Variants in HAPSTR1 observed in about 807,000 individuals in gnomAD.
HAPSTR1 encodes HUWE1-associated protein modifying stress responses 1.
chr16:9,114,276 A>G, the HAPSTR1 span, among the ~76,000 whole-genome samples: 2 of 152,052 alleles, frequency 1.3e-5, no homozygotes, highest in African/African-American at 4.8e-5. Flanking sequence ...TGGGTAAGGT[A>G]GGGGTTGAGG....
the HAPSTR1 span, among the ~76,000 whole-genome samples, chr16:9,093,610 TTTCTG>T: frequency 6.6e-6 from 1 of 152,178 alleles, no homozygotes; most frequent in Admixed American, 6.5e-5. Context: ...GATCAAGTGT[TTTCTG>T]TTAAAAGGAT....
chr16:9,099,941 G>C, the HAPSTR1 span, among the ~76,000 whole-genome samples: 1 of 152,130 alleles, frequency 6.6e-6, no homozygotes. Context: ...CATTTACATG[G>C]GACTTTGTAT....
chr16:9,116,721 C>A, the HAPSTR1 span: 1 of 1,614,126 alleles, frequency 6.2e-7, no homozygotes. Flanking sequence ...CCCAGGCTCT[C>A]CTACACATGT....
the HAPSTR1 span, among the ~76,000 whole-genome samples, chr16:9,098,557 C>A: frequency 6.6e-6 from 1 of 152,142 alleles, no homozygotes; most frequent in East Asian, 1.9e-4. Context: ...GGGCTCACAC[C>A]TGTAGTCCAG....
chr16:9,101,880 T>G, the HAPSTR1 span, among the ~76,000 whole-genome samples: 1 of 152,136 alleles, frequency 6.6e-6, no homozygotes, highest in Non-Finnish European at 1.5e-5. Context: ...CCCAGCACTT[T>G]GGGAGGCTGA....
the HAPSTR1 span, among the ~76,000 whole-genome samples, chr16:9,095,306 C>T: frequency 6.6e-6 from 1 of 152,122 alleles, no homozygotes; most frequent in Non-Finnish European, 1.5e-5. Flanking sequence ...AACAGGCATA[C>T]AGCTGTAGGA....
At chr16:9,115,069 C>A in the HAPSTR1 span, among the ~76,000 whole-genome samples, 1 of 152,068 alleles carries the variant, frequency 6.6e-6, no homozygotes, top group Admixed American at 6.6e-5. Flanking sequence ...ATGGGGGCAC[C>A]TAGAGTGCGG....
chr16:9,096,797 A>G, the HAPSTR1 span, among the ~76,000 whole-genome samples: 1 of 152,148 alleles, frequency 6.6e-6, no homozygotes, highest in East Asian at 1.9e-4. Flanking sequence ...CTGAGGCAGG[A>G]GGATTGCTTG....
chr16:9,096,817 A>G, the HAPSTR1 span, among the ~76,000 whole-genome samples: 1 of 152,164 alleles, frequency 6.6e-6, no homozygotes, highest in African/African-American at 2.4e-5. Context: ...GGGGCAATAT[A>G]GTGAGATCCC....
chr16:9,100,560 GTC>G, the HAPSTR1 span, among the ~76,000 whole-genome samples: 1 of 151,872 alleles, frequency 6.6e-6, no homozygotes, highest in Non-Finnish European at 1.5e-5. Context: ...TTGAGAGAGA[GTC>G]TTACTCTTTC....
chr16:9,099,078 G>C, the HAPSTR1 span, among the ~76,000 whole-genome samples: 5 of 151,968 alleles, frequency 3.3e-5, no homozygotes, highest in African/African-American at 1.2e-4. Context: ...GTTGTGGTGG[G>C]AGAATTTGTC....
chr16:9,106,146 C>T, the HAPSTR1 span: 2 of 152,192 alleles, frequency 1.3e-5, no homozygotes, highest in African/African-American at 2.4e-5. Context: ...CTGTGGCTCA[C>T]ACCTATAATG....
the HAPSTR1 span, chr16:9,103,496 A>G: frequency 6.1e-6 from 3 of 493,310 alleles, no homozygotes; most frequent in Non-Finnish European, 1.1e-5. Context: ...TGTTAAAATG[A>G]CATATCTTTC....
chr16:9,093,082 T>C, the HAPSTR1 span: 1 of 1,348,596 alleles, frequency 7.4e-7, no homozygotes, highest in South Asian at 1.2e-5. Context: ...CAAGTGTGTT[T>C]TCTGCTCCCC....
At chr16:9,099,807 A>G in the HAPSTR1 span, among the ~76,000 whole-genome samples, 10 of 152,210 alleles carry the variant, frequency 6.6e-5, no homozygotes, top group Admixed American at 5.9e-4. Flanking sequence ...GGATTATGTT[A>G]AAATGTAGTC....
At chr16:9,100,801 C>A in the HAPSTR1 span, among the ~76,000 whole-genome samples, 1 of 152,062 alleles carries the variant, frequency 6.6e-6, no homozygotes, top group Non-Finnish European at 1.5e-5. Flanking sequence ...TCCCAAAGTG[C>A]TAGGATTACA....
At chr16:9,100,389 C>G in the HAPSTR1 span, among the ~76,000 whole-genome samples, 1 of 152,104 alleles carries the variant, frequency 6.6e-6, no homozygotes, top group Non-Finnish European at 1.5e-5. Context: ...CAAAACAACC[C>G]AAAACTTGGC....
chr16:9,111,955 A>G, the HAPSTR1 span: 3 of 152,148 alleles, frequency 2.0e-5, no homozygotes, highest in East Asian at 5.8e-4. Context: ...CAATTTTCCC[A>G]TGACATTACA....
chr16:9,100,036 A>G, the HAPSTR1 span, among the ~76,000 whole-genome samples: 14 of 152,234 alleles, frequency 9.2e-5, no homozygotes, highest in Non-Finnish European at 1.5e-4. Context: ...GTACAAAACT[A>G]CATTATGCCC....
Sources: gnomAD v4.1 joint callset for allele counts (sites outside exome capture counted in the v4.1 genomes callset) on GRCh38, gnomAD v4.1.1 for gene constraint, MANE v1.5 for transcripts, NCBI Gene and HGNC (gene_info 2026-07-23, HGNC 2026-07-21) for gene names.